Variants in KCNQ1 observed in about 807,000 individuals in gnomAD.
KCNQ1 encodes the protein potassium voltage-gated channel subfamily KQT member 1.
Under a neutral mutation model 72.4 loss-of-function variants are expected in KCNQ1, and 49 were observed. The ratio of observed to expected loss-of-function variants is 0.68; its 90% CI spans 0.54 to 0.86. KCNQ1 has a LOEUF of 0.86. KCNQ1 is among the 40% of genes least tolerant of loss of function. KCNQ1 has a pLI of 0.00. For missense variants in KCNQ1, 790 were observed against 945.1 expected (o/e 0.84, Z 2.15); for synonymous variants, 450 against 412.6 (o/e 1.09, Z -1.10).
rs1850876426 is a variant in KCNQ1, at chr11:2,704,588, A to G, written c.1514+42507A>G. ...CAAGGATCAGATCTCCCTTCTAGAA[A>G]GGTCACTCTGGCTGCTGAACAGAGA... On this transcript the variant is annotated intron_variant, in intron 11 of 15. Coordinates refer to ENST00000155840, the MANE Select transcript of KCNQ1 (RefSeq NM_000218.3). This position sits in a 1 kb window ranked among gnomAD's most constrained non-coding sequence, Gnocchi z 4.3. Among the ~76,000 whole-genome samples the G allele has an allele frequency of 6.6e-6, 1 of 152,164 alleles. No individual in the cohort carries two copies. The highest frequency in any genetic ancestry group is 2.1e-4 in the South Asian group (1 of 4,830).
In KCNQ1 at chr11:2,608,564, C is replaced by T. The variant is rs1848920108; in HGVS notation, c.1393+19710C>T. ...AATCATAGCTCACTGTAACCTCGAT[C>T]TCCTAGTCTCAAGTGATCCTTGCCC... On this transcript the variant is annotated intron_variant, in intron 10 of 15. Coordinates refer to ENST00000155840, the MANE Select transcript of KCNQ1 (RefSeq NM_000218.3). The surrounding 1 kb of genome is among the most constrained non-coding windows in gnomAD (Gnocchi z 4.6). 2 of 398,470 alleles carry T rather than the reference C, an allele frequency of 5.0e-6. No individual in the cohort carries two copies. Among genetic ancestry groups the T allele is most frequent in the African/African-American group, 4.1e-5 (2 of 48,618 alleles). 24.7% of individuals were successfully genotyped at this position (398,470 alleles called of 1,614,324 possible). A position where few individuals can be genotyped will look rare whatever the true frequency, so the allele number is the denominator to read the frequency against.
At chr11:2,629,382 A>G in intron 10 of KCNQ1, 2 of 398,456 alleles carry the variant, frequency 5.0e-6, no homozygotes. Context: ...CTTTCATATT[A>G]TATCCAAATG....
At chr11:2,637,361 C>T (rs1849489024) in intron 10 of KCNQ1, 1 of 152,168 alleles carries the variant, frequency 6.6e-6, no homozygotes, top group Admixed American at 6.6e-5. Context: ...AAATGTGTCC[C>T]AGAGATTCTG....
At position 2,611,468 on chromosome 11, in the gene KCNQ1, T is replaced by A. The variant is rs1344539486; in HGVS notation, c.1393+22614T>A. Reference sequence around the variant, plus strand: ...CTCGAGTGATCTGTCTGCCTCAGCCTCCCAAAATGCTGGGATTACAGGTGT... The same window carrying A: ...CTCGAGTGATCTGTCTGCCTCAGCCACCCAAAATGCTGGGATTACAGGTGT... On this transcript the variant is annotated intron_variant, in intron 10 of 15. Coordinates refer to ENST00000155840, the MANE Select transcript of KCNQ1 (RefSeq NM_000218.3). This position sits in a 1 kb window ranked among gnomAD's most constrained non-coding sequence, Gnocchi z 5.3. The A allele has an allele frequency of 2.3e-5, 9 of 397,940 alleles. No individual in the cohort carries two copies. Among genetic ancestry groups the A allele is most frequent in the Admixed American group, 4.4e-5 (1 of 22,712 alleles). The allele number at this position is 397,940 out of a possible 1,614,324, so 24.7% of individuals were successfully genotyped here.
chr11:2,627,749 T>A lies in KCNQ1; in HGVS notation c.1394-34212T>A, dbSNP rs1284800454. On this transcript the variant is annotated intron_variant, in intron 10 of 15. Transcript: ENST00000155840. This position sits in a 1 kb window ranked among gnomAD's most constrained non-coding sequence, Gnocchi z 4.9. ...AATTTGGTGATACACACACACACAC[T>A]ATTTTCTTCCTTTCTTTTTGAGACA... 9 of 398,176 alleles carry A rather than the reference T, an allele frequency of 2.3e-5. No individual in the cohort carries two copies. Among genetic ancestry groups the A allele is most frequent in the African/African-American group, 4.1e-5 (2 of 48,476 alleles). 24.7% of individuals were successfully genotyped at this position (398,176 alleles called of 1,614,324 possible).
intron 6 of KCNQ1, among the ~76,000 whole-genome samples, chr11:2,574,779 A>G (rs886159666): frequency 6.6e-6 from 1 of 152,202 alleles, no homozygotes; most frequent in Non-Finnish European, 1.5e-5. Flanking sequence ...TGCAATGCTC[A>G]GGGATGGCAG....
intron 10 of KCNQ1, chr11:2,644,001 C>A (rs1206181775): frequency 2.5e-6 from 1 of 398,428 alleles, no homozygotes; most frequent in Non-Finnish European, 4.4e-6. Context: ...TAAGTGTCTA[C>A]AACCTCTTTT....
chr11:2,449,719 G>A (rs865910442), intron 1 of KCNQ1, among the ~76,000 whole-genome samples: 11 of 152,164 alleles, frequency 7.2e-5, no homozygotes, highest in African/African-American at 2.2e-4. Flanking sequence ...GAGTGACAGG[G>A]GTTGCCAGGC....
intron 11 of KCNQ1, chr11:2,686,174 C>T (rs1049647740): frequency 3.3e-5 from 13 of 398,810 alleles, no homozygotes; most frequent in Non-Finnish European, 5.7e-5. Flanking sequence ...GAGAGCACAG[C>T]AATGCCTACT....
chr11:2,513,585 A>G (rs531423003), intron 1 of KCNQ1, among the ~76,000 whole-genome samples: 43 of 152,308 alleles, frequency 2.8e-4, no homozygotes, highest in Admixed American at 2.7e-3. Context: ...CCAGTCCACC[A>G]TGCTGGGGCC....
At chr11:2,584,496 T>G (rs1848557958) in intron 7 of KCNQ1, among the ~76,000 whole-genome samples, 1 of 150,726 alleles carries the variant, frequency 6.6e-6, no homozygotes, top group African/African-American at 2.4e-5. Flanking sequence ...TGTGTTAGTA[T>G]GTGGGTTAGT....
At position 2,491,637 on chromosome 11, in the gene KCNQ1, G is replaced by A. The variant is rs1042218815; in HGVS notation, c.387-36291G>A. 1.3e-5 allele frequency among the ~76,000 whole-genome samples: 2 copies of A among 152,144 alleles called. No individual in the cohort carries two copies. Among genetic ancestry groups the A allele is most frequent in the South Asian group, 2.1e-4 (1 of 4,828 alleles). ...ACCTTAAAGAGGAGGTAGAGAAAGA[G>A]ATAGGGGTAGAAAGCTTATTCAAAG... On this transcript the variant is annotated intron_variant, in intron 1 of 15. Coordinates refer to ENST00000155840, the MANE Select transcript of KCNQ1 (RefSeq NM_000218.3). This position sits in a 1 kb window ranked among gnomAD's most constrained non-coding sequence, Gnocchi z 4.1.
rs1845736531 is a variant in KCNQ1 at position 2,725,095 on chromosome 11, C to G, written c.1515-43749C>G. Among the ~76,000 whole-genome samples, 1 of 152,318 alleles carries G rather than the reference C, an allele frequency of 6.6e-6. No homozygotes were observed. Among genetic ancestry groups the G allele is most frequent in the East Asian group, 1.9e-4 (1 of 5,168 alleles). ...CAATGACTCCTAAACAAGCTCACGT[C>G]TTGAAGCAGTGCTGGACCCGTTTCA... On this transcript the variant is annotated intron_variant, in intron 11 of 15. Transcript: ENST00000155840. The surrounding 1 kb of genome is among the most constrained non-coding windows in gnomAD (Gnocchi z 7.2).
Position 2,677,581 on chromosome 11 carries a change from A to C in KCNQ1, c.1514+15500A>C. 1 of 398,654 alleles carries C rather than the reference A, an allele frequency of 2.5e-6. No homozygotes were observed. Among genetic ancestry groups the C allele is most frequent in the Non-Finnish European group, 4.4e-6 (1 of 226,068 alleles). The allele number at this position is 398,654 out of a possible 1,614,324, so 24.7% of individuals were successfully genotyped here. On this transcript the variant is annotated intron_variant, in intron 11 of 15. Transcript: ENST00000155840. This position sits in a 1 kb window ranked among gnomAD's most constrained non-coding sequence, Gnocchi z 4.5. The stretch of plus-strand genomic sequence containing the variant: ...GTTACCATATAATGCTTTACAAAAG[A>C]CAAACCAAAATCCCCTCTGGATTTG...
intron 1 of KCNQ1, among the ~76,000 whole-genome samples, chr11:2,512,271 C>CGGGAGA (rs1217153151): frequency 6.6e-6 from 1 of 152,176 alleles, no homozygotes; most frequent in Non-Finnish European, 1.5e-5. Context: ...GGAGCCGGGG[C>CGGGAGA]GGGAGAGGGC....
rs1247371549 is a variant in KCNQ1, at chr11:2,600,919, C to T, written c.1393+12065C>T. ...ACCTGATGTCCTTCTCAGTGTATCA[C>T]ATCCTGAGGCACACAGTGTATCTGC... On this transcript the variant is annotated intron_variant, in intron 10 of 15. Transcript: ENST00000155840. The surrounding 1 kb of genome is among the most constrained non-coding windows in gnomAD (Gnocchi z 5.6). Among the ~76,000 whole-genome samples the T allele has an allele frequency of 2.0e-5, 3 of 152,140 alleles. No individual in the cohort carries two copies. Among genetic ancestry groups the T allele is most frequent in the African/African-American group, 4.8e-5 (2 of 41,428 alleles).
At chr11:2,777,605 G>C in intron 14 of KCNQ1, 1 of 430,202 alleles carries the variant, frequency 2.3e-6, no homozygotes, top group South Asian at 2.7e-5. Flanking sequence ...GTGTGGGCTG[G>C]TGTAACGGAG....
chr11:2,599,967 TTCAGTGATGTAGCCAGG>T lies in KCNQ1; in HGVS notation c.1393+11115_1393+11131del. Among the ~76,000 whole-genome samples, 1 of 152,346 alleles carries T rather than the reference TTCAGTGATGTAGCCAGG, an allele frequency of 6.6e-6. No individual in the cohort carries two copies. Among genetic ancestry groups the T allele is most frequent in the East Asian group, 1.9e-4 (1 of 5,188 alleles). On this transcript the variant is annotated intron_variant, in intron 10 of 15. Coordinates refer to ENST00000155840, the MANE Select transcript of KCNQ1 (RefSeq NM_000218.3). The surrounding 1 kb of genome is among the most constrained non-coding windows in gnomAD (Gnocchi z 4.7). ...GTGACACAGGAATAGGCTTGTTAAT[TTCAGTGATGTAGCCAGG>T]TTGTTTTTCTCGTTTTGTCTGACCT...
At chr11:2,568,389 T>C (rs996255770) in intron 2 of KCNQ1, among the ~76,000 whole-genome samples, 2 of 152,234 alleles carry the variant, frequency 1.3e-5, no homozygotes, top group Admixed American at 1.3e-4. Context: ...GGAGCCGCTA[T>C]GCCTCCCCAT....
Sources: gnomAD v4.1 joint callset for allele counts (sites outside exome capture counted in the v4.1 genomes callset) on GRCh38, gnomAD v4.1.1 for gene constraint, Gnocchi (gnomAD v3.1) non-coding constraint, MANE v1.5 for transcripts, NCBI Gene and HGNC (gene_info 2026-07-23, HGNC 2026-07-21) for gene names.